Variants in GPR39 observed in about 807,000 individuals in gnomAD.
GPR39 encodes G protein-coupled receptor 39, also known as zinc sensing receptor.
Under a neutral mutation model 18.4 loss-of-function variants are expected in GPR39, and 23 were observed. That is an observed-to-expected ratio of 1.25 (90% CI 0.90 to 1.77). The LOEUF is 1.77. Among genes scored for constraint, GPR39 ranks in the 40% most tolerant of loss-of-function variants. The pLI, the probability that GPR39 is intolerant of heterozygous loss-of-function variation, is 0.00. For missense variants in GPR39, 647 were observed against 602.4 expected (o/e 1.07, Z -0.78); for synonymous variants, 280 against 257.9 (o/e 1.09, Z -0.82).
rs557781036 is a variant in GPR39, at chr2:132,439,538, A to G, written c.856+21640A>G. Among the ~76,000 whole-genome samples the G allele has an allele frequency of 2.0e-5, 3 of 152,290 alleles. No homozygotes were observed. In the South Asian group the frequency reaches 6.2e-4, roughly 32 times the overall value. ...TTCTTATCTTTTCCATATAGCAAAA[A>G]GCTACCACTCAGAAAGAAAACAGAG... On this transcript the variant is annotated intron_variant, in intron 1 of 1. Coordinates refer to ENST00000329321, the MANE Select transcript of GPR39 (RefSeq NM_001508.3).
At chr2:132,573,981 T>C (rs949427305) in intron 1 of GPR39, among the ~76,000 whole-genome samples, 6 of 152,248 alleles carry the variant, frequency 3.9e-5, no homozygotes, top group African/African-American at 9.6e-5. Flanking sequence ...TAGAGCACTA[T>C]AAATTTTTAA....
intron 1 of GPR39, among the ~76,000 whole-genome samples, chr2:132,538,352 C>T (rs1233954445): frequency 2.0e-5 from 3 of 152,212 alleles, no homozygotes; most frequent in African/African-American, 4.8e-5. Context: ...TCTCCAGACC[C>T]TGTTCACCTG....
intron 1 of GPR39, among the ~76,000 whole-genome samples, chr2:132,476,925 A>G (rs1359651592): frequency 3.9e-5 from 6 of 151,912 alleles, no homozygotes; most frequent in Non-Finnish European, 7.4e-5. Flanking sequence ...ACTCCATCCT[A>G]CCCTTCCCAG....
At chr2:132,558,015 G>C (rs1680186344) in intron 1 of GPR39, among the ~76,000 whole-genome samples, 1 of 151,984 alleles carries the variant, frequency 6.6e-6, no homozygotes, top group South Asian at 2.1e-4. Flanking sequence ...TCCTGGGGCA[G>C]CTTGTCCCTA....
intron 1 of GPR39, among the ~76,000 whole-genome samples, chr2:132,548,257 C>T (rs1679983520): frequency 6.6e-6 from 1 of 152,200 alleles, no homozygotes; most frequent in African/African-American, 2.4e-5. Context: ...TTTTTCACAG[C>T]ATTGTTTTTA....
chr2:132,588,155 T>C (rs1324857197), intron 1 of GPR39, among the ~76,000 whole-genome samples: 2 of 152,166 alleles, frequency 1.3e-5, no homozygotes, highest in African/African-American at 4.8e-5. Context: ...GAGAAGGTCC[T>C]GGAGTTAAAA....
chr2:132,617,668 C>A (rs2104856304), intron 1 of GPR39, among the ~76,000 whole-genome samples: 1 of 152,076 alleles, frequency 6.6e-6, no homozygotes, highest in Non-Finnish European at 1.5e-5. Context: ...AATGTCTTCC[C>A]TAGTTGTTTG....
At chr2:132,421,161 T>G (rs1468742169) in intron 1 of GPR39, among the ~76,000 whole-genome samples, 1 of 152,202 alleles carries the variant, frequency 6.6e-6, no homozygotes, top group Non-Finnish European at 1.5e-5. Context: ...TGAGACTTCC[T>G]TTCAAGCAAG....
chr2:132,485,617 T>C (rs1681321383), intron 1 of GPR39, among the ~76,000 whole-genome samples: 1 of 152,250 alleles, frequency 6.6e-6, no homozygotes, highest in Admixed American at 6.5e-5. Context: ...GTAGATTTCA[T>C]CTCAGTAAAC....
chr2:132,560,228 C>T (rs1043286823), intron 1 of GPR39, among the ~76,000 whole-genome samples: 2 of 152,178 alleles, frequency 1.3e-5, no homozygotes, highest in Non-Finnish European at 2.9e-5. Flanking sequence ...TGGGTTTCCT[C>T]TTCCTTTTGG....
intron 1 of GPR39, among the ~76,000 whole-genome samples, chr2:132,433,125 G>A (rs958962593): frequency 6.6e-6 from 1 of 152,078 alleles, no homozygotes; most frequent in Non-Finnish European, 1.5e-5. Flanking sequence ...TAAAATATAT[G>A]TAGATTCTTG....
intron 1 of GPR39, among the ~76,000 whole-genome samples, chr2:132,587,932 G>A (rs1680760974): frequency 6.6e-6 from 1 of 152,110 alleles, no homozygotes. Context: ...TGAACATGAG[G>A]AGTTGACTGG....
chr2:132,556,471 G>A (rs1680154574), intron 1 of GPR39, among the ~76,000 whole-genome samples: 1 of 152,172 alleles, frequency 6.6e-6, no homozygotes, highest in South Asian at 2.1e-4. Context: ...CTCTAAGCAA[G>A]TTCTTTCCCT....
At chr2:132,601,686 A>G (rs764048772) in intron 1 of GPR39, among the ~76,000 whole-genome samples, 1 of 152,188 alleles carries the variant, frequency 6.6e-6, no homozygotes, top group Non-Finnish European at 1.5e-5. Flanking sequence ...TAAAGACTTC[A>G]CCAAAAAACT....
intron 1 of GPR39, among the ~76,000 whole-genome samples, chr2:132,580,250 T>A (rs968945618): frequency 6.6e-6 from 1 of 152,242 alleles, no homozygotes; most frequent in Non-Finnish European, 1.5e-5. Flanking sequence ...ATTCACTATA[T>A]GTTTGCATCT....
chr2:132,585,955 T>TTTTTTG (rs1558848862), intron 1 of GPR39, among the ~76,000 whole-genome samples: 2 of 138,878 alleles, frequency 1.4e-5, no homozygotes, highest in Non-Finnish European at 1.6e-5. Context: ...CCGGTTTTTT[T>TTTTTTG]TTTTTTTTTT....
intron 1 of GPR39, among the ~76,000 whole-genome samples, chr2:132,633,409 A>G (rs1006031708): frequency 9.3e-5 from 14 of 149,972 alleles, no homozygotes; most frequent in Non-Finnish European, 2.1e-4. Context: ...CTTAGGGCAG[A>G]GTGGGAAGAG....
chr2:132,624,056 G>C (rs1281850193), intron 1 of GPR39, among the ~76,000 whole-genome samples: 1 of 152,156 alleles, frequency 6.6e-6, no homozygotes, highest in Non-Finnish European at 1.5e-5. Flanking sequence ...TTTGCTAGGG[G>C]CTACCATGAT....
Position 132,645,337 on chromosome 2 carries a change from C to T in GPR39, c.1093C>T (p.Leu365=). The part of the protein sequence containing the change: ...FVQVLCCRLS[L]QHANHEKRLR... ...GCAGGTGCTGTGCTGCCGCCTGTCG[C>T]TGCAGCACGCCAACCACGAGAAGCG... The change falls in exon 2 of 2, where the codon CTG becomes TTG. Residue 365 remains leucine, a synonymous_variant. Coordinates refer to ENST00000329321, the MANE Select transcript of GPR39 (RefSeq NM_001508.3). The T allele has an allele frequency of 6.2e-7, 1 of 1,614,186 alleles. No homozygotes were observed. Among genetic ancestry groups the T allele is most frequent in the Middle Eastern group, 1.6e-4 (1 of 6,062 alleles).
Sources: gnomAD v4.1 joint callset for allele counts (sites outside exome capture counted in the v4.1 genomes callset) on GRCh38, gnomAD v4.1.1 for gene constraint, MANE v1.5 for transcripts, NCBI Gene and HGNC (gene_info 2026-07-23, HGNC 2026-07-21) for gene names.